Variants in BID observed in about 807,000 individuals in gnomAD.
BID encodes the protein BH3-interacting domain death agonist.
In BID, 19 loss-of-function variants were observed where a neutral mutation model predicts 17.4. The ratio of observed to expected loss-of-function variants is 1.09; its 90% CI spans 0.76 to 1.60. BID has a LOEUF of 1.60. Ranked by LOEUF, BID falls within the 40% of genes most tolerant of loss-of-function variation. BID has a pLI of 0.00. For synonymous variants in BID, 108 were observed against 102.8 expected (o/e 1.05, Z -0.31); for missense variants, 226 against 256.0 (o/e 0.88, Z 0.80).
chr22:17,771,557 T>G (rs1456228825), intron 1 of BID, among the ~76,000 whole-genome samples: 1 of 152,154 alleles, frequency 6.6e-6, no homozygotes, highest in Non-Finnish European at 1.5e-5. Flanking sequence ...CCTCCTTTTC[T>G]TAGTTGTTGG....
chr22:17,736,343 G>A (rs2061419280), intron 5 of BID, among the ~76,000 whole-genome samples: 1 of 151,990 alleles, frequency 6.6e-6, no homozygotes, highest in East Asian at 1.9e-4. Flanking sequence ...TGTAATCCCA[G>A]CTTCTTGGGG....
At position 17,744,152 on chromosome 22, in the gene BID, G is replaced by A. The variant is rs1023958067; in HGVS notation, c.13-139C>T. The A allele has an allele frequency of 6.8e-6, 5 of 740,402 alleles. No individual in the cohort carries two copies. The African/African-American group carries it at 7.1e-5, about 10-fold the overall frequency. The allele number at this position is 740,402 out of a possible 1,614,324, so 45.9% of individuals were successfully genotyped here. ...GGGACCCTGTGGGCTGGAGGGCCCT[G>A]CAGGAGGTCTCAACAGGCAGAGGCA... On this transcript the variant is annotated intron_variant, in intron 2 of 5. Transcript: ENST00000622694.
At chr22:17,737,325 T>C (rs1177607865) in intron 5 of BID, among the ~76,000 whole-genome samples, 1 of 152,096 alleles carries the variant, frequency 6.6e-6, no homozygotes, top group East Asian at 1.9e-4. Context: ...TCCCCCCCTT[T>C]TTTGACTACT....
intron 2 of BID, among the ~76,000 whole-genome samples, chr22:17,744,336 G>A (rs8190312): frequency 2.0e-5 from 3 of 152,208 alleles, no homozygotes; most frequent in South Asian, 4.1e-4. Flanking sequence ...AGGCTGTTCC[G>A]GGGAGGCGAG....
intron 1 of BID, among the ~76,000 whole-genome samples, chr22:17,766,999 G>A (rs1336004665): frequency 6.6e-6 from 1 of 152,028 alleles, no homozygotes; most frequent in African/African-American, 2.4e-5. Flanking sequence ...CAAGGCAGGA[G>A]GATCACCTGA....
At position 17,739,998 on chromosome 22, in the gene BID, T is replaced by C. The variant is rs566853762; in HGVS notation, c.224-510A>G. On this transcript the variant is annotated intron_variant, in intron 3 of 5. Coordinates refer to ENST00000622694, the MANE Select transcript of BID (RefSeq NM_001196.4). ...CGGCAAGGCCCTGGAGAATCTCCCC[T>C]GCCTTTCCAACCAGAGCTCTCCCCC... The C allele has an allele frequency of 4.9e-6, 7 of 1,415,264 alleles. No individual in the cohort carries two copies. The East Asian group carries it at 1.5e-4, about 30-fold the overall frequency. The allele number at this position is 1,415,264 out of a possible 1,614,324, so 87.7% of individuals were successfully genotyped here. A position where few individuals can be genotyped will look rare whatever the true frequency, so the allele number is the denominator to read the frequency against.
chr22:17,749,817 T>C (rs1382085135), intron 2 of BID, among the ~76,000 whole-genome samples: 1 of 152,168 alleles, frequency 6.6e-6, no homozygotes, highest in African/African-American at 2.4e-5. Flanking sequence ...GGCTGTTAAA[T>C]GGTCTTAAAC....
chr22:17,757,793 G>A (rs2061605178), intron 1 of BID, among the ~76,000 whole-genome samples: 1 of 152,178 alleles, frequency 6.6e-6, no homozygotes, highest in African/African-American at 2.4e-5. Context: ...ACCCAAAGGT[G>A]AGGCGAGGGT....
At chr22:17,770,112 G>C (rs542115442) in intron 1 of BID, among the ~76,000 whole-genome samples, 26 of 152,002 alleles carry the variant, frequency 1.7e-4, no homozygotes, top group South Asian at 1.5e-3. Context: ...CTCCTGTCCT[G>C]TTCTCCTGCT....
chr22:17,754,910 GTGT>G (rs2061570238), intron 1 of BID, among the ~76,000 whole-genome samples: 1 of 151,696 alleles, frequency 6.6e-6, no homozygotes, highest in Non-Finnish European at 1.5e-5. Context: ...GACTACAGGT[GTGT>G]GCCACCACAC....
intron 1 of BID, among the ~76,000 whole-genome samples, chr22:17,768,828 G>A (rs926274487): frequency 2.7e-5 from 4 of 149,312 alleles, no homozygotes; most frequent in Non-Finnish European, 4.4e-5. Context: ...AGCCGAGATC[G>A]CGCCACTGCA....
intron 1 of BID, among the ~76,000 whole-genome samples, chr22:17,762,914 T>C (rs1231163507): frequency 6.6e-6 from 1 of 152,120 alleles, no homozygotes; most frequent in Non-Finnish European, 1.5e-5. Context: ...TCTCACTCTG[T>C]CACCCAGGCT....
chr22:17,735,786 G>A (rs1409359471), intron 5 of BID, among the ~76,000 whole-genome samples, 195 bp from the exon 6 acceptor site: 1 of 152,036 alleles, frequency 6.6e-6, no homozygotes, highest in Non-Finnish European at 1.5e-5. Context: ...AGGCGGTGAG[G>A]TGGGTATTCA....
Position 17,769,035 on chromosome 22 carries a change from C to T in BID, c.-59+5346G>A, listed in dbSNP as rs1050521806. 1.4e-5 allele frequency among the ~76,000 whole-genome samples: 2 copies of T among 144,058 alleles called. No homozygotes were observed. Among genetic ancestry groups the T allele is most frequent in the East Asian group, 4.0e-4 (2 of 4,956 alleles). The allele number at this position is 144,058 out of a possible 152,430, so 94.5% of individuals were successfully genotyped here. Reference sequence around the variant, plus strand: ...CCAGCCTGGGCGACAGAGTGAGACTCGTCTCAAAAATAAATAAATAAATAA... The same window carrying T: ...CCAGCCTGGGCGACAGAGTGAGACTTGTCTCAAAAATAAATAAATAAATAA... On this transcript the variant is annotated intron_variant, in intron 1 of 5. Coordinates refer to ENST00000622694, the MANE Select transcript of BID (RefSeq NM_001196.4). The surrounding 1 kb of genome is among the most constrained non-coding windows in gnomAD (Gnocchi z 4.8).
intron 1 of BID, among the ~76,000 whole-genome samples, chr22:17,760,573 G>T (rs1030528115): frequency 4.0e-5 from 6 of 149,666 alleles, no homozygotes; most frequent in Non-Finnish European, 5.9e-5. Flanking sequence ...CTAGAAAACA[G>T]AAATGAACAC....
intron 1 of BID, among the ~76,000 whole-genome samples, chr22:17,756,277 G>A (rs2061582114): frequency 6.6e-6 from 1 of 152,202 alleles, no homozygotes; most frequent in Non-Finnish European, 1.5e-5. Flanking sequence ...GTGTGCGCAG[G>A]CAACGGGGAA....
intron 1 of BID, among the ~76,000 whole-genome samples, chr22:17,756,831 C>T (rs1393966013): frequency 6.6e-6 from 1 of 152,090 alleles, no homozygotes; most frequent in East Asian, 1.9e-4. Context: ...CCCTCAGCCT[C>T]TCAAAGTGCT....
intron 2 of BID, among the ~76,000 whole-genome samples, chr22:17,748,820 C>A (rs1231404015): frequency 2.0e-5 from 3 of 152,228 alleles, no homozygotes; most frequent in Non-Finnish European, 4.4e-5. Flanking sequence ...GCCGCCAGAG[C>A]GCGAAGCCGG....
At chr22:17,753,970 C>T (rs2061561118) in intron 1 of BID, among the ~76,000 whole-genome samples, 1 of 151,744 alleles carries the variant, frequency 6.6e-6, no homozygotes, top group African/African-American at 2.4e-5. Flanking sequence ...GGGTGACATT[C>T]CCCCAGTCTC....
Sources: allele counts gnomAD v4.1 joint callset (sites outside exome capture counted in the v4.1 genomes callset), GRCh38; gene constraint gnomAD v4.1.1; non-coding constraint Gnocchi (gnomAD v3.1); transcripts MANE v1.5; gene names NCBI Gene and HGNC (gene_info 2026-07-23, HGNC 2026-07-21).